Variants in ATP1B4 observed in about 807,000 individuals in gnomAD.
The protein encoded by ATP1B4 is protein ATP1B4.
ATP1B4 carries 32 observed loss-of-function variants against 29.6 expected under a neutral mutation model. That is an observed-to-expected ratio of 1.08 (90% confidence interval 0.82 to 1.45). ATP1B4 has a LOEUF of 1.45. Ranked by LOEUF, ATP1B4 falls within the 40% of genes most tolerant of loss-of-function variation. The pLI is 0.00. For missense variants in ATP1B4, 323 were observed against 276.2 expected (o/e 1.17, Z -1.20); for synonymous variants, 127 against 102.1 (o/e 1.24, Z -1.47).
chrX:120,379,355 T>A, intron 7 of ATP1B4, 118 bp from the exon 8 acceptor site: 1 of 662,670 alleles, frequency 1.5e-6, no homozygotes, highest in Non-Finnish European at 2.2e-6. Flanking sequence ...ATTTGCAAAT[T>A]GGCATCATGG....
At chrX:120,364,995 G>A (rs1459836083) in intron 1 of ATP1B4, among the ~76,000 whole-genome samples, 1 of 112,136 alleles carries the variant, frequency 8.9e-6, no homozygotes, top group Non-Finnish European at 1.9e-5. Flanking sequence ...CGGGATTACA[G>A]GCTTGAGCCC....
In ATP1B4 at chrX:120,379,576, A is replaced by G. The variant is rs779817321; in HGVS notation, c.1016A>G (p.Asp339Gly). 3.3e-6 allele frequency: 4 copies of G among 1,210,984 alleles called. No individual in the cohort carries two copies. The highest frequency in any genetic ancestry group is 4.5e-6 in the Non-Finnish European group (4 of 895,152). Reference sequence around the variant, plus strand: ...CTGAAGGGCAAAGGCGTCATAAATGATGTCATCAATGATCGTTTTGTGGGC... The same window carrying G: ...CTGAAGGGCAAAGGCGTCATAAATGGTGTCATCAATGATCGTTTTGTGGGC... ...CQLKGKGVIN[D>G]VINDRFVGRV... The change falls in exon 8 of 8, where the codon GAT becomes GGT. Residue 339 changes from aspartate to glycine, a missense_variant. Physicochemically the swap from Asp to Gly is moderately conservative, Grantham distance 94. Transcript: ENST00000218008.
intron 7 of ATP1B4, among the ~76,000 whole-genome samples, chrX:120,379,023 A>G (rs2058370086): frequency 9.0e-6 from 1 of 111,545 alleles, no homozygotes; most frequent in African/African-American, 3.3e-5. Context: ...AGAGACAGAA[A>G]GTGACTTGCC....
intron 2 of ATP1B4, among the ~76,000 whole-genome samples, chrX:120,369,280 G>A (rs767091732): frequency 1.4e-4 from 16 of 112,061 alleles, no homozygotes; most frequent in East Asian, 5.6e-4. Context: ...AGGTGCTGTC[G>A]TTTATTCTCC....
chrX:120,377,869 G>T (rs1346354010), intron 6 of ATP1B4, among the ~76,000 whole-genome samples: 1 of 111,796 alleles, frequency 8.9e-6, no homozygotes, highest in South Asian at 3.7e-4. Context: ...AACAATTATA[G>T]TATATTGACA....
chrX:120,376,868 AG>A (rs1163632782), intron 6 of ATP1B4, among the ~76,000 whole-genome samples: 1 of 112,654 alleles, frequency 8.9e-6, no homozygotes, highest in Non-Finnish European at 1.9e-5. Context: ...CACATTTTGC[AG>A]CAATGACCAG....
rs1264938134 is a variant in ATP1B4 at position 120,374,520 on chromosome X, CATATACCCTTATATATAATATAT to C, written c.563-760_563-738del. ...TATAAGGATATACCCTTATATATAC[CATATACCCTTATATATAATATAT>C]ATATACCCTTATATATAATATATAT... On this transcript the variant is annotated intron_variant, in intron 4 of 7. Transcript: ENST00000218008. Among the ~76,000 whole-genome samples, 199 of 62,486 alleles carry C rather than the reference CATATACCCTTATATATAATATAT, an allele frequency of 3.2e-3. 6 individuals are homozygous for C. The highest frequency in any genetic ancestry group is 8.9e-3 in the African/African-American group (134 of 15,040). 54.3% of individuals were successfully genotyped at this position (62,486 alleles called of 115,157 possible). A position where few individuals can be genotyped will look rare whatever the true frequency, so the allele number is the denominator to read the frequency against.
intron 1 of ATP1B4, among the ~76,000 whole-genome samples, chrX:120,366,063 T>C (rs150320272): frequency 1.7e-4 from 19 of 112,016 alleles, no homozygotes; most frequent in Non-Finnish European, 3.4e-4. Context: ...CAACTTGAAA[T>C]GGTGAAGTTG....
Position 120,379,739 on chromosome X carries a change from C to A in ATP1B4, c.*105C>A. On this transcript the variant is annotated 3_prime_UTR_variant, in exon 8 of 8. Transcript: ENST00000218008. ...TTCAATTAGGACACAGCCAGATGGACATCTAAGACAGCCGATCATCTTTCC... is the reference window on the plus strand; with the variant it reads ...TTCAATTAGGACACAGCCAGATGGAAATCTAAGACAGCCGATCATCTTTCC... 1 of 798,467 alleles carries A rather than the reference C, an allele frequency of 1.3e-6. No homozygotes were observed. Among genetic ancestry groups the A allele is most frequent in the Non-Finnish European group, 1.7e-6 (1 of 572,654 alleles). The allele number at this position is 798,467 out of a possible 1,213,427, so 65.8% of individuals were successfully genotyped here. A position where few individuals can be genotyped will look rare whatever the true frequency, so the allele number is the denominator to read the frequency against.
In ATP1B4 at chrX:120,380,278, A is replaced by C. The variant is rs1343047646; in HGVS notation, c.*644A>C. Reference sequence around the variant, plus strand: ...TTCCCTGGGAATCACCACTCGGTCCAACCTAGACAACCAAGACCGCTATAC... The same window carrying C: ...TTCCCTGGGAATCACCACTCGGTCCCACCTAGACAACCAAGACCGCTATAC... On this transcript the variant is annotated 3_prime_UTR_variant, in exon 8 of 8. Coordinates refer to ENST00000218008, the MANE Select transcript of ATP1B4 (RefSeq NM_001142447.3). 1 of 111,118 alleles carries C rather than the reference A, an allele frequency of 9.0e-6. No individual in the cohort carries two copies. The highest frequency in any genetic ancestry group is 1.9e-5 in the Non-Finnish European group (1 of 53,035). The allele number at this position is 111,118 out of a possible 1,213,427, so 9.2% of individuals were successfully genotyped here.
chrX:120,369,820 T>C (rs902967116), intron 2 of ATP1B4, among the ~76,000 whole-genome samples: 2 of 112,294 alleles, frequency 1.8e-5, no homozygotes, highest in Non-Finnish European at 3.8e-5. Flanking sequence ...GCTGCTTATA[T>C]GCATTAGTCA....
rs1392957357 is a variant in ATP1B4 at position 120,375,481 on chromosome X, C to T, written c.672C>T (p.Arg224=). ...DEDKKACQFK[R]SFLKNCSGLE... is the part of the protein sequence containing the mutation. Reference sequence around the variant, plus strand: ...ACAAGAAGGCCTGCCAATTTAAGCGCTCCTTCCTAAAGAACTGCTCTGGTC... The same window carrying T: ...ACAAGAAGGCCTGCCAATTTAAGCGTTCCTTCCTAAAGAACTGCTCTGGTC... Residue 224 remains arginine (R), a synonymous_variant, in exon 5 of 8, where the codon CGC becomes CGT. Coordinates refer to ENST00000218008, the MANE Select transcript of ATP1B4 (RefSeq NM_001142447.3). 49 of 1,209,088 alleles carry T rather than the reference C, an allele frequency of 4.1e-5. No homozygotes were observed. Among genetic ancestry groups the T allele is most frequent in the Non-Finnish European group, 5.5e-5 (49 of 894,831 alleles).
chrX:120,362,739 G>C (rs2147246746), intron 1 of ATP1B4, among the ~76,000 whole-genome samples: 1 of 111,802 alleles, frequency 8.9e-6, no homozygotes, highest in Admixed American at 9.5e-5. Context: ...AGGAATCCTA[G>C]ACATTATCTC....
In ATP1B4 at chrX:120,366,672, G is replaced by T; in HGVS notation, c.211G>T (p.Glu71Ter). Reference protein sequence around the residue: ...EEEEEEEKEEEEGQGQPTGNA... With the variant: ...EEEEEEEKEE ...GGAGGAAGAGGAGGAAAAGGAGGAG[G>T]AAGAGGGTCAAGGTCAGCCAACAGG... Residue 71 changes from glutamate (E) to a stop codon, truncating the protein, a stop_gained, in exon 2 of 8, where the codon GAA becomes TAA. Coordinates refer to ENST00000218008, the MANE Select transcript of ATP1B4 (RefSeq NM_001142447.3). LOFTEE classifies it high-confidence loss of function. The T allele has an allele frequency of 8.3e-7, 1 of 1,211,135 alleles. No individual in the cohort carries two copies. The highest frequency in any genetic ancestry group is 1.1e-6 in the Non-Finnish European group (1 of 895,177).
At chrX:120,372,564 TAA>T (rs1331267040) in intron 4 of ATP1B4, among the ~76,000 whole-genome samples, 1 of 111,895 alleles carries the variant, frequency 8.9e-6, no homozygotes, top group Non-Finnish European at 1.9e-5. Context: ...CTCGCTGCTA[TAA>T]GTGTTATAAA....
rs777202236 is a variant in ATP1B4 at position 120,374,933 on chromosome X, T to C, written c.563-439T>C. On this transcript the variant is annotated intron_variant, in intron 4 of 7. Transcript: ENST00000218008. ...ATATACCCTTATATATACCCTTATA[T>C]ACCATACCTTGAATGTTTCAGTCCC... Among the ~76,000 whole-genome samples the C allele has an allele frequency of 7.0e-4, 70 of 99,598 alleles. 2 individuals are homozygous for C. Among genetic ancestry groups the C allele is most frequent in the African/African-American group, 2.5e-3 (69 of 27,332 alleles). 86.5% of individuals were successfully genotyped at this position (99,598 alleles called of 115,157 possible). A position where few individuals can be genotyped will look rare whatever the true frequency, so the allele number is the denominator to read the frequency against.
rs759018612 is a variant in ATP1B4 at position 120,362,180 on chromosome X, A to G, written c.12A>G (p.Gln4=). The change falls in exon 1 of 8, where the codon CAA becomes CAG. Residue 4 remains glutamine, a synonymous_variant. Coordinates refer to ENST00000218008, the MANE Select transcript of ATP1B4 (RefSeq NM_001142447.3). ...CCCACTGAACAGCCATGAGAAGGCAACTCCGGTCCAGAAGGGCTCCATCCT... is the reference window on the plus strand; with the variant it reads ...CCCACTGAACAGCCATGAGAAGGCAGCTCCGGTCCAGAAGGGCTCCATCCT... MRR[Q]LRSRRAPSFP... is the part of the protein sequence containing the mutation. The G allele has an allele frequency of 4.1e-6, 5 of 1,207,841 alleles. No homozygotes were observed. In the African/African-American group the frequency reaches 5.3e-5, roughly 13 times the overall value.
At chrX:120,362,574 T>A (rs2058267522) in intron 1 of ATP1B4, among the ~76,000 whole-genome samples, 1 of 111,812 alleles carries the variant, frequency 8.9e-6, no homozygotes, top group Non-Finnish European at 1.9e-5. Context: ...AGCAAGAAAT[T>A]TAGCCAAGAG....
At chrX:120,377,095 G>T (rs1457725668) in intron 6 of ATP1B4, among the ~76,000 whole-genome samples, 2 of 112,066 alleles carry the variant, frequency 1.8e-5, no homozygotes, top group East Asian at 2.8e-4. Context: ...CCCCAGACCT[G>T]GATAGTTGTC....
Sources: gnomAD v4.1 joint callset for allele counts (sites outside exome capture counted in the v4.1 genomes callset) on GRCh38, gnomAD v4.1.1 for gene constraint, MANE v1.5 for transcripts, NCBI Gene and HGNC (gene_info 2026-07-23, HGNC 2026-07-21) for gene names.